Variants in CHD1L observed in about 807,000 individuals in gnomAD.
CHD1L encodes chromodomain helicase DNA binding protein 1 like, also known as ATP-dependent chromatin remodeler CHD1L.
Under a neutral mutation model 115.9 loss-of-function variants are expected in CHD1L, and 118 were observed. The ratio of observed to expected loss-of-function variants is 1.02; its 90% CI spans 0.88 to 1.19. CHD1L has a LOEUF of 1.19. CHD1L is among the 50% of genes most tolerant of loss of function. The pLI is 0.00. For missense variants in CHD1L, 1,179 were observed against 1,065.3 expected, an observed-to-expected ratio of 1.11 and a Z score of -1.49; for synonymous variants, 411 against 387.1, an observed-to-expected ratio of 1.06 and a Z score of -0.72.
chr1:147,287,798 T>A, intron 19 of CHD1L, 65 bp downstream of exon 19: 1 of 1,352,678 alleles, frequency 7.4e-7, no homozygotes, highest in East Asian at 2.3e-5. Context: ...CCTAAGACTG[T>A]ATCGTGAGGG....
intron 15 of CHD1L, among the ~76,000 whole-genome samples, chr1:147,281,770 GACTTTT>G (rs1385697747): frequency 6.6e-6 from 1 of 151,168 alleles, no homozygotes; most frequent in African/African-American, 2.4e-5. Flanking sequence ...CCATTGCATT[GACTTTT>G]ACTTCTACTT....
intron 22 of CHD1L, among the ~76,000 whole-genome samples, chr1:147,294,885 A>G (rs1559924102): frequency 6.6e-6 from 1 of 152,186 alleles, no homozygotes; most frequent in Admixed American, 6.5e-5. Flanking sequence ...GTTCATTTTA[A>G]TGAACAGTTA....
chr1:147,262,240 AT>A, intron 6 of CHD1L, among the ~76,000 whole-genome samples: 1 of 152,052 alleles, frequency 6.6e-6, no homozygotes, highest in Non-Finnish European at 1.5e-5. Context: ...AATGTAAAAT[AT>A]AGGGAATTGG....
intron 6 of CHD1L, among the ~76,000 whole-genome samples, chr1:147,263,093 A>T (rs1473722810): frequency 2.6e-5 from 4 of 152,126 alleles, no homozygotes; most frequent in Non-Finnish European, 5.9e-5. Flanking sequence ...ATACACTTAC[A>T]TACATACATA....
chr1:147,203,563 C>T, the CHD1L span: 1 of 988,504 alleles, frequency 1.0e-6, no homozygotes, highest in Non-Finnish European at 1.6e-6. Context: ...AGAGTTTTCT[C>T]CAGAGTATTT....
intron 18 of CHD1L, among the ~76,000 whole-genome samples, chr1:147,286,932 CAG>C (rs1683375777): frequency 6.6e-6 from 1 of 151,854 alleles, no homozygotes; most frequent in Non-Finnish European, 1.5e-5. Context: ...GTCTGTTTCT[CAG>C]AGAGGTCTTC....
intron 7 of CHD1L, among the ~76,000 whole-genome samples, chr1:147,265,457 A>G (rs587613725): frequency 1.3e-5 from 2 of 152,348 alleles, no homozygotes; most frequent in South Asian, 2.1e-4. Context: ...ATTTAGAATA[A>G]TTTTTGAAAT....
chr1:147,255,127 G>A (rs1427470237), intron 3 of CHD1L, 151 bp downstream of exon 3: 1 of 526,382 alleles, frequency 1.9e-6, no homozygotes, highest in African/African-American at 1.9e-5. Flanking sequence ...GGTAGACACT[G>A]AGGATATAAT....
At chr1:147,253,489 A>G (rs895400469) in intron 2 of CHD1L, among the ~76,000 whole-genome samples, 1 of 152,184 alleles carries the variant, frequency 6.6e-6, no homozygotes, top group South Asian at 2.1e-4. Context: ...ATGAGTTGCA[A>G]TGCGTGTTTT....
chr1:147,198,465 G>A, the CHD1L span, among the ~76,000 whole-genome samples: 2 of 152,114 alleles, frequency 1.3e-5, no homozygotes, highest in East Asian at 3.9e-4. Context: ...CAAAAGCACA[G>A]GGTACAAGGG....
chr1:147,207,141 G>A, the CHD1L span, among the ~76,000 whole-genome samples: 2 of 152,070 alleles, frequency 1.3e-5, no homozygotes, highest in African/African-American at 4.8e-5. Context: ...TGATGGTTAT[G>A]TAGGAGAATG....
intron 19 of CHD1L, among the ~76,000 whole-genome samples, chr1:147,289,561 A>T (rs7517150): frequency 0.041 from 6,170 of 152,206 alleles, 138 homozygotes; most frequent in African/African-American, 0.059. Flanking sequence ...GAGAGTGTGC[A>T]GTTTTCTCTG....
chr1:147,268,706 C>A (rs1571892983), intron 9 of CHD1L, 76 bp from the exon 10 acceptor site: 4 of 1,195,744 alleles, frequency 3.3e-6, no homozygotes, highest in Non-Finnish European at 4.9e-6. Flanking sequence ...CTTTTGGCTT[C>A]TCTTCCTGTA....
chr1:147,242,723 C>G lies in CHD1L; in HGVS notation c.20C>G (p.Thr7Ser). 1.6e-6 allele frequency: 2 copies of G among 1,258,390 alleles called. No individual in the cohort carries two copies. The highest frequency in any genetic ancestry group is 3.1e-5 in the African/African-American group (2 of 65,274). 78.0% of individuals were successfully genotyped at this position (1,258,390 alleles called of 1,614,324 possible). MERAGA[T>S]SRGGQAPGFL... ...GGCCCGATGGAGCGCGCGGGCGCTA[C>G]TAGCCGCGGGGGCCAAGCCCCTGGC... is the stretch of plus-strand genomic sequence containing the variant. The change falls in exon 1 of 23, where the codon ACT becomes AGT. Residue 7 changes from threonine to serine, a missense_variant. Coordinates refer to ENST00000369258, the MANE Select transcript of CHD1L (RefSeq NM_004284.6).
intron 12 of CHD1L, among the ~76,000 whole-genome samples, chr1:147,275,137 G>A (rs1253009834): frequency 1.3e-5 from 2 of 152,162 alleles, no homozygotes; most frequent in African/African-American, 4.8e-5. Flanking sequence ...GTTCCATTCA[G>A]TAATAAAAAT....
chr1:147,255,385 A>C (rs1268687538), intron 3 of CHD1L, among the ~76,000 whole-genome samples: 2 of 151,994 alleles, frequency 1.3e-5, no homozygotes, highest in Non-Finnish European at 2.9e-5. Context: ...GCGTCACCAC[A>C]CCTGGCTAAT....
the CHD1L span, among the ~76,000 whole-genome samples, chr1:147,207,099 C>A: frequency 2.0e-5 from 3 of 151,592 alleles, no homozygotes; most frequent in Non-Finnish European, 4.4e-5. Context: ...TGTATTTTAT[C>A]AATGTTAAAT....
the CHD1L span, among the ~76,000 whole-genome samples, chr1:147,228,478 A>G: frequency 1.3e-5 from 2 of 152,218 alleles, no homozygotes; most frequent in Non-Finnish European, 2.9e-5. Flanking sequence ...TTACATGTGT[A>G]TATGTCTTCA....
chr1:147,207,180 G>A, the CHD1L span, among the ~76,000 whole-genome samples: 2 of 151,994 alleles, frequency 1.3e-5, no homozygotes, highest in East Asian at 1.9e-4. Flanking sequence ...ATACACTGAA[G>A]TATTTAAAGT....
Sources: gnomAD v4.1 joint callset for allele counts (sites outside exome capture counted in the v4.1 genomes callset) on GRCh38, gnomAD v4.1.1 for gene constraint, MANE v1.5 for transcripts, NCBI Gene and HGNC (gene_info 2026-07-23, HGNC 2026-07-21) for gene names.